Variants in DGCR8 observed in about 807,000 individuals in gnomAD.
DGCR8 encodes DGCR8 microprocessor complex subunit.
Under a neutral mutation model 78.5 loss-of-function variants are expected in DGCR8, and 14 were observed. The ratio of observed to expected loss-of-function variants is 0.18; its 90% confidence interval spans 0.12 to 0.28. DGCR8 has a LOEUF of 0.28. DGCR8 is among the 10% of genes least tolerant of loss of function. DGCR8 has a pLI of 1.00. For missense variants in DGCR8, 702 were observed against 1,022.5 expected (o/e 0.69, Z 4.28); for synonymous variants, 399 against 402.4 (o/e 0.99, Z 0.10).
chr22:20,095,867 ATCAT>A (rs1402302094), intron 9 of DGCR8, among the ~76,000 whole-genome samples: 8 of 152,136 alleles, frequency 5.3e-5, no homozygotes, highest in Non-Finnish European at 2.9e-5. Flanking sequence ...ACAGTGACAG[ATCAT>A]CAGGCATTAG....
In DGCR8 at chr22:20,085,935, C is replaced by T; in HGVS notation, c.-29C>T. 1 of 1,523,500 alleles carries T rather than the reference C, an allele frequency of 6.6e-7. No individual in the cohort carries two copies. Among genetic ancestry groups the T allele is most frequent in the Non-Finnish European group, 8.8e-7 (1 of 1,141,916 alleles). 94.4% of individuals were successfully genotyped at this position (1,523,500 alleles called of 1,614,324 possible). On this transcript the variant is annotated 5_prime_UTR_variant, in exon 2 of 14. Transcript: ENST00000351989. The surrounding 1 kb of genome is among the most constrained non-coding windows in gnomAD (Gnocchi z 6.2). ...ATGTGAGGGCTTGTAAAACTCTGGT[C>T]TTGTAAACTAGTCTTAAGCGCTTTT...
In DGCR8 at chr22:20,090,036, G is replaced by T. The variant is rs1460329898; in HGVS notation, c.1084G>T (p.Glu362Ter). The T allele has an allele frequency of 6.2e-7, 1 of 1,614,084 alleles. No individual in the cohort carries two copies. The highest frequency in any genetic ancestry group is 8.5e-7 in the Non-Finnish European group (1 of 1,180,042). Residue 362 changes from glutamate to a stop codon, truncating the protein, a stop_gained, in exon 5 of 14, where the codon GAG (glutamate) becomes TAG (stop). Coordinates refer to ENST00000351989, the MANE Select transcript of DGCR8 (RefSeq NM_022720.7). LOFTEE classifies it high-confidence loss of function. ...CLHYKKMKDN[E>*]EREQSSDLTP... ...GCATTATAAGAAAATGAAGGACAAC[G>T]AGGAACGGGAGCAAAGCAGTGACCT...
rs2049696126 is a variant in DGCR8 at position 20,101,175 on chromosome 22, T to A, written c.1789-5002T>A. On this transcript the variant is annotated intron_variant, in intron 9 of 13. Coordinates refer to ENST00000351989, the MANE Select transcript of DGCR8 (RefSeq NM_022720.7). ...CCTCAGGGTTTTAAGAACTCTGTTC[T>A]GGGAACCTGAGAGAAGACCGTGTGT... 1.2e-5 allele frequency: 12 copies of A among 983,896 alleles called. No homozygotes were observed. The South Asian group carries it at 4.2e-4, about 35-fold the overall frequency. 60.9% of individuals were successfully genotyped at this position (983,896 alleles called of 1,614,324 possible). A position where few individuals can be genotyped will look rare whatever the true frequency, so the allele number is the denominator to read the frequency against.
At chr22:20,097,107 T>G (rs1252536816) in intron 9 of DGCR8, among the ~76,000 whole-genome samples, 1 of 152,328 alleles carries the variant, frequency 6.6e-6, no homozygotes, top group South Asian at 2.1e-4. Context: ...TTTGTAGTTA[T>G]AAGCAATATT....
At chr22:20,093,617 C>G (rs1484207985) in intron 8 of DGCR8, among the ~76,000 whole-genome samples, 1 of 152,188 alleles carries the variant, frequency 6.6e-6, no homozygotes, top group Non-Finnish European at 1.5e-5. Flanking sequence ...GCATCCTCCC[C>G]CAGTGGTGCT....
At chr22:20,103,986 T>G (rs2049738395) in intron 9 of DGCR8, among the ~76,000 whole-genome samples, 1 of 152,208 alleles carries the variant, frequency 6.6e-6, no homozygotes, top group South Asian at 2.1e-4. Context: ...AGGCACTGAT[T>G]GCTTAGGTTT....
intron 9 of DGCR8, among the ~76,000 whole-genome samples, chr22:20,103,030 G>A (rs1602493928): frequency 6.6e-6 from 1 of 152,226 alleles, no homozygotes. Flanking sequence ...TACTCAGGAG[G>A]CTGAGGCAGG....
chr22:20,100,920 C>T (rs997960328), intron 9 of DGCR8: 2 of 788,864 alleles, frequency 2.5e-6, no homozygotes, highest in African/African-American at 3.8e-5. Flanking sequence ...CAAATGGGGG[C>T]CCCTGCCACC....
chr22:20,086,624 G>A lies in DGCR8; in HGVS notation c.661G>A (p.Ala221Thr). Residue 221 changes from alanine to threonine, a missense_variant, in exon 2 of 14, where the codon GCT (alanine) becomes ACT (threonine). Ala to Thr is a moderately conservative substitution (Grantham distance 58). Around this residue, in one of 4 missense-constraint regions of DGCR8, gnomAD observed 356 missense variants for 448.9 expected, o/e 0.79. Coordinates refer to ENST00000351989, the MANE Select transcript of DGCR8 (RefSeq NM_022720.7). This position sits in a 1 kb window ranked among gnomAD's most constrained non-coding sequence, Gnocchi z 6.4. Reference protein sequence around the residue: ...LDEEGAGGFTAKAIVQRDRVD... With the variant: ...LDEEGAGGFTTKAIVQRDRVD... ...TGAAGAAGGAGCAGGCGGGTTCACG[G>A]CTAAAGCAATCGTTCAGAGAGACAG... is the stretch of plus-strand genomic sequence containing the variant. 1.2e-6 allele frequency: 2 copies of A among 1,612,514 alleles called. No individual in the cohort carries two copies. Among genetic ancestry groups the A allele is most frequent in the Non-Finnish European group, 1.7e-6 (2 of 1,179,928 alleles).
chr22:20,106,992 T>C lies in DGCR8; in HGVS notation c.1997-279T>C, dbSNP rs1166350761. 7.0e-6 allele frequency: 4 copies of C among 575,472 alleles called. No individual in the cohort carries two copies. The East Asian group carries it at 8.7e-5, about 13-fold the overall frequency. 35.6% of individuals were successfully genotyped at this position (575,472 alleles called of 1,614,324 possible). A position where few individuals can be genotyped will look rare whatever the true frequency, so the allele number is the denominator to read the frequency against. ...CAGCAGAATCCTGCTGCTCCCTGTT[T>C]CTGGAGGTGTGCGTCTTGGCGGGAG... On this transcript the variant is annotated intron_variant, in intron 11 of 13. Coordinates refer to ENST00000351989, the MANE Select transcript of DGCR8 (RefSeq NM_022720.7).
At position 20,089,542 on chromosome 22, in the gene DGCR8, T is replaced by G; in HGVS notation, c.881-127T>G. ...GCAGTGAGCAAGGCAGAGAGGAATTTCGATTATCTGTGAAGACCCAGTTAA... is the reference window on the plus strand; with the variant it reads ...GCAGTGAGCAAGGCAGAGAGGAATTGCGATTATCTGTGAAGACCCAGTTAA... On this transcript the variant is annotated intron_variant, in intron 3 of 13. Coordinates refer to ENST00000351989, the MANE Select transcript of DGCR8 (RefSeq NM_022720.7). The surrounding 1 kb of genome is among the most constrained non-coding windows in gnomAD (Gnocchi z 4.9). The G allele has an allele frequency of 1.9e-6, 2 of 1,038,566 alleles. No homozygotes were observed. Among genetic ancestry groups the G allele is most frequent in the Non-Finnish European group, 2.9e-6 (2 of 700,546 alleles). The allele number at this position is 1,038,566 out of a possible 1,614,324, so 64.3% of individuals were successfully genotyped here.
chr22:20,080,269 G>T lies in DGCR8; in HGVS notation c.-392G>T. ...CGCTCGCCCGGCGCGGCAGGCGGGT[G>T]CCGGCGACCGGAGAGCCTGGACAGG... On this transcript the variant is annotated 5_prime_UTR_variant, in exon 1 of 14. Transcript: ENST00000351989. 1 of 980,248 alleles carries T rather than the reference G, an allele frequency of 1.0e-6. No individual in the cohort carries two copies. Among genetic ancestry groups the T allele is most frequent in the Non-Finnish European group, 1.2e-6 (1 of 827,386 alleles). 60.7% of individuals were successfully genotyped at this position (980,248 alleles called of 1,614,324 possible). A position where few individuals can be genotyped will look rare whatever the true frequency, so the allele number is the denominator to read the frequency against.
chr22:20,099,712 A>G (rs1273492090), intron 9 of DGCR8, among the ~76,000 whole-genome samples: 3 of 152,176 alleles, frequency 2.0e-5, no homozygotes, highest in African/African-American at 7.2e-5. Flanking sequence ...AATGGAGGAG[A>G]GCAGATTTTG....
In DGCR8 at chr22:20,087,454, G is replaced by A; in HGVS notation, c.880+133G>A. 1 of 1,038,744 alleles carries A rather than the reference G, an allele frequency of 9.6e-7. No homozygotes were observed. The highest frequency in any genetic ancestry group is 1.4e-6 in the Non-Finnish European group (1 of 732,174). The allele number at this position is 1,038,744 out of a possible 1,614,324, so 64.3% of individuals were successfully genotyped here. A position where few individuals can be genotyped will look rare whatever the true frequency, so the allele number is the denominator to read the frequency against. On this transcript the variant is annotated intron_variant, in intron 3 of 13. Coordinates refer to ENST00000351989, the MANE Select transcript of DGCR8 (RefSeq NM_022720.7). The surrounding 1 kb of genome is among the most constrained non-coding windows in gnomAD (Gnocchi z 4.1). ...TGGAGGCATGTTTGAGGACAGGACA[G>A]AAATATCTGAGGAGGGAAACACAGG...
Position 20,086,560 on chromosome 22 carries a change from C to T in DGCR8, c.597C>T (p.Leu199=), listed in dbSNP as rs778791032. ...AAAAGAGAGTGGAGTATGCAGTGCT[C>T]GATGAGTTAGAAGATTTTACTGACA... is the stretch of plus-strand genomic sequence containing the variant. ...DQEKRVEYAV[L]DELEDFTDNL... Residue 199 remains leucine, a synonymous_variant, in exon 2 of 14, where the codon CTC becomes CTT. Transcript: ENST00000351989. The surrounding 1 kb of genome is among the most constrained non-coding windows in gnomAD (Gnocchi z 6.4). 6.2e-6 allele frequency: 10 copies of T among 1,613,696 alleles called. No individual in the cohort carries two copies. The highest frequency in any genetic ancestry group is 5.0e-5 in the Admixed American group (3 of 59,992).
intron 3 of DGCR8, among the ~76,000 whole-genome samples, chr22:20,088,239 G>A (rs1213653904): frequency 1.3e-5 from 2 of 152,212 alleles, no homozygotes; most frequent in African/African-American, 4.8e-5. Flanking sequence ...CTAGACGGTT[G>A]CAGGCAGGGT....
chr22:20,081,387 G>A (rs1170269447), intron 1 of DGCR8, among the ~76,000 whole-genome samples: 1 of 152,214 alleles, frequency 6.6e-6, no homozygotes, highest in Non-Finnish European at 1.5e-5. Flanking sequence ...GGAGCTTGCC[G>A]TGAGCCCGTT....
rs1411673430 is a variant in DGCR8, at chr22:20,090,107, T to G, written c.1155T>G (p.Ser385=). Residue 385 remains serine, a synonymous_variant, in exon 5 of 14, where the codon TCT becomes TCG. Transcript: ENST00000351989. ...CCCCCGTCAAGCCCCTGAGCCGATC[T>G]GCAGAGCTGGAGTTTCCCCTGGATG... The part of the protein sequence containing the change: ...DVSPVKPLSR[S]AELEFPLDEP... 6.2e-7 allele frequency: 1 copy of G among 1,614,248 alleles called. No homozygotes were observed. The highest frequency in any genetic ancestry group is 8.5e-7 in the Non-Finnish European group (1 of 1,180,040).
intron 9 of DGCR8, chr22:20,100,273 G>T: frequency 4.9e-6 from 4 of 818,944 alleles, no homozygotes; most frequent in Non-Finnish European, 5.9e-6. Context: ...CACCGTGTTG[G>T]CCAGGATGGT....
Sources: gnomAD v4.1 joint callset for allele counts (sites outside exome capture counted in the v4.1 genomes callset) on GRCh38, gnomAD v4.1.1 for gene constraint, gnomAD v4.1.1 regional missense constraint, Gnocchi (gnomAD v3.1) non-coding constraint, MANE v1.5 for transcripts, NCBI Gene and HGNC (gene_info 2026-07-23, HGNC 2026-07-21) for gene names.